The following HEATR5A variants were observed in gnomAD, a reference collection of about 807,000 sequenced individuals.
HEATR5A encodes the protein HEAT repeat-containing protein 5A.
A neutral mutation model predicts 218.8 loss-of-function variants in HEATR5A; 178 were observed. The observed-to-expected ratio is 0.81, with a 90% CI of 0.72 to 0.92. HEATR5A has a LOEUF of 0.92. HEATR5A is among the 40% of genes least tolerant of loss of function. HEATR5A has a pLI of 0.00. For synonymous variants in HEATR5A, 864 were observed against 871.6 expected (o/e 0.99, Z 0.15); for missense variants, 2,420 against 2,418.9 (o/e 1.00, Z -0.01).
intron 25 of HEATR5A, among the ~76,000 whole-genome samples, chr14:31,319,000 C>CA (rs1900001789): frequency 6.6e-6 from 1 of 152,158 alleles, no homozygotes; most frequent in South Asian, 2.1e-4. Flanking sequence ...TGGAAGAAAG[C>CA]AGAGACAATT....
rs757074327 is a variant in HEATR5A, at chr14:31,345,270, C to T, written c.2875G>A (p.Ala959Thr). ...ATGATCAATGATAGAGAATGTAATG[C>T]CCAGGTCTGTAATGACAAAGAAAAA... is the stretch of plus-strand genomic sequence containing the variant. ...DSTSPDVQTW[A>T]LHSLSLIIDS... is the part of the protein sequence containing the mutation. Residue 959 changes from alanine (A) to threonine (T), a missense_variant, in exon 20 of 36, where the codon GCA (alanine) becomes ACA (threonine). Coordinates refer to ENST00000543095, the MANE Select transcript of HEATR5A (RefSeq NM_015473.4). 2.5e-6 allele frequency: 4 copies of T among 1,606,232 alleles called. No individual in the cohort carries two copies. The highest frequency in any genetic ancestry group is 3.4e-6 in the Non-Finnish European group (4 of 1,175,984).
intron 29 of HEATR5A, 44 bp downstream of exon 29, chr14:31,308,890 A>C: frequency 2.6e-6 from 4 of 1,527,314 alleles, no homozygotes; most frequent in Non-Finnish European, 3.5e-6. Flanking sequence ...AAAAAAAACA[A>C]AAAACCCCTA....
intron 24 of HEATR5A, among the ~76,000 whole-genome samples, chr14:31,322,041 T>A (rs1401113727): frequency 6.6e-6 from 1 of 152,246 alleles, no homozygotes; most frequent in Non-Finnish European, 1.5e-5. Context: ...AAATTTATTT[T>A]CTTTATGTCA....
chr14:31,306,706 A>C, intron 31 of HEATR5A, 26 bp downstream of exon 31: 1 of 1,588,018 alleles, frequency 6.3e-7, no homozygotes, highest in Non-Finnish European at 8.6e-7. Flanking sequence ...TATTTGATCA[A>C]CTCGGCATTA....
chr14:31,335,985 T>C (rs977870825), intron 22 of HEATR5A, among the ~76,000 whole-genome samples: 1 of 150,116 alleles, frequency 6.7e-6, no homozygotes, highest in Non-Finnish European at 1.5e-5. Flanking sequence ...TTTTTTTTTT[T>C]TGGAGTCAGT....
rs529668689 is a variant in HEATR5A at position 31,312,035 on chromosome 14, A to G, written c.4441+933T>C. Among the ~76,000 whole-genome samples the G allele has an allele frequency of 2.0e-5, 3 of 152,320 alleles. No homozygotes were observed. The South Asian group carries it at 6.2e-4, about 32-fold the overall frequency. ...TGGGACGTGCAGTTTCGGGAGGACA[A>G]TGGGTACAGGTAACCAAAGGAACAG... is the stretch of plus-strand genomic sequence containing the variant. On this transcript the variant is annotated intron_variant, in intron 28 of 35. Coordinates refer to ENST00000543095, the MANE Select transcript of HEATR5A (RefSeq NM_015473.4).
At chr14:31,369,467 G>T (rs1384008677) in intron 13 of HEATR5A, among the ~76,000 whole-genome samples, 1 of 151,952 alleles carries the variant, frequency 6.6e-6, no homozygotes, top group African/African-American at 2.4e-5. Context: ...ACAAAAATTA[G>T]CCAGGCATAG....
chr14:31,318,314 T>C (rs1292986726), intron 25 of HEATR5A, 22 bp from the exon 26 acceptor site: 3 of 1,596,484 alleles, frequency 1.9e-6, no homozygotes, highest in Non-Finnish European at 2.6e-6. Context: ...TTACATGACA[T>C]ATCAAACATC....
At chr14:31,361,284 A>G (rs888249845) in intron 14 of HEATR5A, among the ~76,000 whole-genome samples, 1 of 152,228 alleles carries the variant, frequency 6.6e-6, no homozygotes, top group Non-Finnish European at 1.5e-5. Flanking sequence ...ATATATACAT[A>G]TAATAGGAAG....
At chr14:31,419,096 A>T (rs2031554113) in intron 1 of HEATR5A, among the ~76,000 whole-genome samples, 1 of 152,200 alleles carries the variant, frequency 6.6e-6, no homozygotes, top group Admixed American at 6.5e-5. Flanking sequence ...ACATCCATAA[A>T]TAGTGGAGGG....
At chr14:31,315,744 C>A in intron 27 of HEATR5A, 26 bp downstream of exon 27, 1 of 1,517,854 alleles carries the variant, frequency 6.6e-7, no homozygotes, top group Non-Finnish European at 8.9e-7. Flanking sequence ...TTCCAAAATT[C>A]CAGTTACAAA....
chr14:31,406,219 C>T (rs1207427718), intron 1 of HEATR5A, among the ~76,000 whole-genome samples: 1 of 151,948 alleles, frequency 6.6e-6, no homozygotes, highest in Admixed American at 6.6e-5. Flanking sequence ...TCTAATTTTT[C>T]TCTTAGTTTC....
rs554206548 is a variant in HEATR5A at position 31,398,580 on chromosome 14, T to C, written c.447+93A>G. Reference sequence around the variant, plus strand: ...CATTTATATTCATATCTACATATGCTTGACATATGTAAAGCTCTTTGATTT... The same window carrying C: ...CATTTATATTCATATCTACATATGCCTGACATATGTAAAGCTCTTTGATTT... On this transcript the variant is annotated intron_variant, in intron 4 of 35. Transcript: ENST00000543095. The C allele has an allele frequency of 3.0e-5, 19 of 643,318 alleles. No individual in the cohort carries two copies. In the South Asian group the frequency reaches 4.0e-4, roughly 14 times the overall value. The allele number at this position is 643,318 out of a possible 1,614,324, so 39.9% of individuals were successfully genotyped here. A position where few individuals can be genotyped will look rare whatever the true frequency, so the allele number is the denominator to read the frequency against.
chr14:31,361,527 T>C (rs1470085950), intron 14 of HEATR5A, among the ~76,000 whole-genome samples: 2 of 152,214 alleles, frequency 1.3e-5, no homozygotes, highest in Non-Finnish European at 1.5e-5. Flanking sequence ...CCTATGGCTA[T>C]GTGTGAAAAT....
rs2031057731 is a variant in HEATR5A at position 31,406,277 on chromosome 14, C to T, written c.-74-3228G>A. On this transcript the variant is annotated intron_variant, in intron 1 of 35. Coordinates refer to ENST00000543095, the MANE Select transcript of HEATR5A (RefSeq NM_015473.4). ...TAAGGTGATTTCCTACAAGTAAACACATATGTCAATATATTTAAATATATT... is the reference window on the plus strand; with the variant it reads ...TAAGGTGATTTCCTACAAGTAAACATATATGTCAATATATTTAAATATATT... 2.6e-5 allele frequency among the ~76,000 whole-genome samples: 4 copies of T among 152,152 alleles called. No homozygotes were observed. The South Asian group carries it at 8.3e-4, about 32-fold the overall frequency.
intron 7 of HEATR5A, among the ~76,000 whole-genome samples, 178 bp downstream of exon 7, chr14:31,388,667 T>C (rs909114046): frequency 6.6e-6 from 1 of 152,198 alleles, no homozygotes; most frequent in Non-Finnish European, 1.5e-5. Context: ...GGTAATAAGG[T>C]CCTCTTACTT....
intron 1 of HEATR5A, among the ~76,000 whole-genome samples, chr14:31,413,382 C>A (rs1052734069): frequency 6.8e-6 from 1 of 147,782 alleles, no homozygotes; most frequent in Non-Finnish European, 1.5e-5. Context: ...TTTACTCTGC[C>A]TTCTTTTTTT....
chr14:31,419,969 G>A (rs1372656750), intron 1 of HEATR5A, among the ~76,000 whole-genome samples: 5 of 152,186 alleles, frequency 3.3e-5, no homozygotes, highest in Non-Finnish European at 7.4e-5. Flanking sequence ...AAAACGAACG[G>A]GCCTCTGAGG....
intron 32 of HEATR5A, among the ~76,000 whole-genome samples, chr14:31,303,288 C>T (rs1205457469): frequency 6.6e-6 from 1 of 151,140 alleles, no homozygotes. Flanking sequence ...CAAAAATTAG[C>T]CGGGTGTGGT....
Sources: gnomAD v4.1 joint callset for allele counts (sites outside exome capture counted in the v4.1 genomes callset) on GRCh38, gnomAD v4.1.1 for gene constraint, MANE v1.5 for transcripts, NCBI Gene and HGNC (gene_info 2026-07-23, HGNC 2026-07-21) for gene names.